Variants in BLK observed in about 807,000 individuals in gnomAD.
BLK encodes the protein BLK proto-oncogene, Src family tyrosine kinase.
A neutral mutation model predicts 61.8 loss-of-function variants in BLK; 64 were observed. That is an observed-to-expected ratio of 1.03 (90% CI 0.85 to 1.27). The LOEUF (loss-of-function observed/expected upper bound fraction) is 1.27, where lower values mean the gene tolerates loss of function less well. Among genes scored for constraint, BLK ranks in the 50% most tolerant of loss-of-function variants. The probability of loss-of-function intolerance (pLI) is 0.00; values close to 1 mark genes in which losing one functional copy is unlikely to be tolerated. For synonymous variants in BLK, 351 were observed against 272.0 expected, an observed-to-expected ratio of 1.29 and a Z score of -2.86; for missense variants, 853 against 660.5, an observed-to-expected ratio of 1.29 and a Z score of -3.19.
intron 11 of BLK, among the ~76,000 whole-genome samples, chr8:11,561,698 C>G (rs570856691): frequency 1.3e-5 from 2 of 152,328 alleles, no homozygotes; most frequent in Non-Finnish European, 2.9e-5. Flanking sequence ...GCAGTCCACC[C>G]TACTCCCTGT....
intron 10 of BLK, chr8:11,559,112 C>G: frequency 2.4e-6 from 1 of 410,932 alleles, no homozygotes. Context: ...TCAATCCCCA[C>G]TACACCCCCT....
intron 1 of BLK, among the ~76,000 whole-genome samples, chr8:11,517,428 A>T (rs970084882): frequency 6.6e-6 from 1 of 152,202 alleles, no homozygotes; most frequent in African/African-American, 2.4e-5. Context: ...GCACTTGGTG[A>T]CATTGTCAGC....
chr8:11,553,197 GAGTT>G (rs565007619), intron 6 of BLK: 35 of 181,962 alleles, frequency 1.9e-4, no homozygotes, highest in Admixed American at 1.4e-3. Flanking sequence ...GCAGGGGAGT[GAGTT>G]CTACCCTTCG....
intron 1 of BLK, 47 bp from the exon 2 acceptor site, chr8:11,543,177 G>A (rs1204297422): frequency 1.9e-6 from 3 of 1,612,120 alleles, no homozygotes; most frequent in Admixed American, 3.3e-5. Context: ...CAGAGGATCT[G>A]AGGCCCCGCT....
At position 11,564,081 on chromosome 8, in the gene BLK, C is replaced by T. The variant is rs747048213; in HGVS notation, c.1491C>T (p.Thr497=). Residue 497 remains threonine, a synonymous_variant, in exon 13 of 13, where the codon ACC becomes ACT. Coordinates refer to ENST00000259089, the MANE Select transcript of BLK (RefSeq NM_001715.3). ...QSVLEDFYTA[T]ERQYELQP ...TGCTGGAGGACTTCTACACGGCCAC[C>T]GAGCGGCAGTACGAGCTGCAGCCCT... 7.0e-5 allele frequency: 112 copies of T among 1,589,770 alleles called. No homozygotes were observed. Among genetic ancestry groups the T allele is most frequent in the Non-Finnish European group, 5.1e-6 (6 of 1,173,002 alleles).
At chr8:11,541,509 T>A (rs1179923316) in intron 1 of BLK, among the ~76,000 whole-genome samples, 1 of 151,968 alleles carries the variant, frequency 6.6e-6, no homozygotes, top group Admixed American at 6.6e-5. Context: ...TCTTTTTTTT[T>A]TTTTTCGAGA....
Position 11,563,884 on chromosome 8 carries a change from G to C in BLK, c.1313-19G>C. ...GGACCCCAGCCCCTCACCCCCGCTTGCGGTCTCCTCTGCCGCAGGGATGAG... is the reference window on the plus strand; with the variant it reads ...GGACCCCAGCCCCTCACCCCCGCTTCCGGTCTCCTCTGCCGCAGGGATGAG... On this transcript the variant is annotated intron_variant, in intron 12 of 12. Transcript: ENST00000259089. 1 of 1,602,530 alleles carries C rather than the reference G, an allele frequency of 6.2e-7. No homozygotes were observed. The highest frequency in any genetic ancestry group is 8.5e-7 in the Non-Finnish European group (1 of 1,175,954).
In BLK at chr8:11,521,174, G is replaced by T. The variant is rs558127009; in HGVS notation, c.-1-22050G>T. Among the ~76,000 whole-genome samples the T allele has an allele frequency of 3.6e-3, 547 of 152,166 alleles. 1 individual carries two copies. The highest frequency in any genetic ancestry group is 0.013 in the African/African-American group (535 of 41,522). On this transcript the variant is annotated intron_variant, in intron 1 of 12. Coordinates refer to ENST00000259089, the MANE Select transcript of BLK (RefSeq NM_001715.3). Reference sequence around the variant, plus strand: ...GCAATTCAAATCAGTAAGAAAAATGGCTTTTAAAAAATTTATTATCTAATA... The same window carrying T: ...GCAATTCAAATCAGTAAGAAAAATGTCTTTTAAAAAATTTATTATCTAATA...
intron 8 of BLK, 169 bp from the exon 9 acceptor site, chr8:11,556,489 C>A: frequency 1.3e-6 from 1 of 787,816 alleles, no homozygotes; most frequent in South Asian, 1.5e-5. Flanking sequence ...TAGAAGGGAC[C>A]TGGAACGCAA....
Position 11,555,417 on chromosome 8 carries a change from G to C in BLK, c.705G>C (p.Glu235Asp). 2 of 1,614,192 alleles carry C rather than the reference G, an allele frequency of 1.2e-6. No homozygotes were observed. The highest frequency in any genetic ancestry group is 1.7e-6 in the Non-Finnish European group (2 of 1,180,032). ...ATCCCTGGGCCCAGGATGAATGGGA[G>C]ATCCCCCGGCAGTCTCTCAGGCTGG... ...PQNPWAQDEWEIPRQSLRLVR... is the reference protein window; with the variant it reads ...PQNPWAQDEWDIPRQSLRLVR... The change falls in exon 8 of 13, where the codon GAG becomes GAC. Residue 235 changes from glutamate to aspartate, a missense_variant. Glu to Asp is a conservative substitution (Grantham distance 45). Coordinates refer to ENST00000259089, the MANE Select transcript of BLK (RefSeq NM_001715.3).
chr8:11,534,342 A>C (rs193088900), intron 1 of BLK, among the ~76,000 whole-genome samples: 2 of 152,374 alleles, frequency 1.3e-5, no homozygotes, highest in African/African-American at 4.8e-5. Context: ...GCATATTGCT[A>C]ACATATTTTA....
At chr8:11,520,834 A>G (rs896129714) in intron 1 of BLK, among the ~76,000 whole-genome samples, 2 of 152,252 alleles carry the variant, frequency 1.3e-5, no homozygotes, top group African/African-American at 4.8e-5. Context: ...TAATAAGAGA[A>G]CTGAAATAGA....
At chr8:11,529,379 G>A (rs772451773) in intron 1 of BLK, among the ~76,000 whole-genome samples, 2 of 152,130 alleles carry the variant, frequency 1.3e-5, no homozygotes. Context: ...GATTGGTTGG[G>A]TCAGAGATGA....
At chr8:11,557,933 A>T in intron 9 of BLK, 29 bp from the exon 10 acceptor site, 1 of 1,610,736 alleles carries the variant, frequency 6.2e-7, no homozygotes, top group Non-Finnish European at 8.5e-7. Context: ...CACTTTGCAG[A>T]AGGGCACTTG....
chr8:11,540,337 T>A (rs1429805830), intron 1 of BLK, among the ~76,000 whole-genome samples: 1 of 152,200 alleles, frequency 6.6e-6, no homozygotes, highest in Non-Finnish European at 1.5e-5. Flanking sequence ...ACGCGATTCC[T>A]GTATTTACCA....
chr8:11,563,412 A>C (rs916409785), intron 12 of BLK, among the ~76,000 whole-genome samples: 23 of 152,234 alleles, frequency 1.5e-4, no homozygotes, highest in African/African-American at 5.5e-4. Context: ...AGTTGAGGAC[A>C]GGTTGTGCCT....
At chr8:11,558,356 A>C (rs1490834960) in intron 10 of BLK, 2 of 397,532 alleles carry the variant, frequency 5.0e-6, no homozygotes, top group African/African-American at 4.1e-5. Flanking sequence ...AAACACACAG[A>C]GTTAGCAAGA....
At chr8:11,558,526 AC>A (rs1801336420) in intron 10 of BLK, 1 of 405,206 alleles carries the variant, frequency 2.5e-6, no homozygotes, top group African/African-American at 2.0e-5. Flanking sequence ...CCTGAGCTAC[AC>A]ACAGATGCCA....
intron 1 of BLK, among the ~76,000 whole-genome samples, chr8:11,524,056 C>T (rs887612116): frequency 1.3e-5 from 2 of 152,058 alleles, no homozygotes; most frequent in African/African-American, 4.8e-5. Flanking sequence ...TACCTTACAA[C>T]AATGTTTACT....
Sources: allele counts gnomAD v4.1 joint callset (sites outside exome capture counted in the v4.1 genomes callset), GRCh38; gene constraint gnomAD v4.1.1; transcripts MANE v1.5; gene names NCBI Gene and HGNC (gene_info 2026-07-23, HGNC 2026-07-21).